NBAS: variants seen among roughly 807,000 people sequenced by gnomAD.
NBAS encodes the protein NAG/BC035112 fusion.
A neutral mutation model predicts 302.5 loss-of-function variants in NBAS; 219 were observed. The ratio of observed to expected loss-of-function variants is 0.72; its 90% CI spans 0.65 to 0.81. NBAS has a LOEUF of 0.81. Among genes scored for constraint, NBAS ranks in the 30% least tolerant of loss-of-function variants. The pLI, the probability that NBAS is intolerant of heterozygous loss-of-function variation, is 0.00. For missense variants in NBAS, 2,932 were observed against 2,841.6 expected (o/e 1.03, Z -0.72); for synonymous variants, 1,118 against 1,021.6 (o/e 1.09, Z -1.80).
At chr2:15,355,379 C>T (rs908503192) in intron 33 of NBAS, among the ~76,000 whole-genome samples, 26 of 152,156 alleles carry the variant, frequency 1.7e-4, no homozygotes, top group African/African-American at 4.6e-4. Flanking sequence ...GTGTTCTTTA[C>T]GTGAGAAATT....
the NBAS span, among the ~76,000 whole-genome samples, chr2:14,987,465 T>A: frequency 3.9e-4 from 52 of 134,756 alleles, no homozygotes; most frequent in Non-Finnish European, 7.8e-4. Context: ...TATTTCTTCT[T>A]ATGACAAATA....
In NBAS at chr2:15,277,079, T is replaced by C; in HGVS notation, c.5161A>G (p.Asn1721Asp). ...AAGAGATGAAGGTCTTGGGCTCTAT[T>C]TTCAATTTCTAGTGTGGACAAACTG... Reference protein sequence around the residue: ...DSGLSTLEIENRAQDLHLFET... With the variant: ...DSGLSTLEIEDRAQDLHLFET... Residue 1721 changes from asparagine to aspartate, a missense_variant, in exon 43 of 52, where the codon AAT (asparagine) becomes GAT (aspartate). By Grantham distance (23) the Asn-to-Asp change is conservative. Coordinates refer to ENST00000281513, the MANE Select transcript of NBAS (RefSeq NM_015909.4). 6.2e-7 allele frequency: 1 copy of C among 1,613,812 alleles called. No individual in the cohort carries two copies. The highest frequency in any genetic ancestry group is 8.5e-7 in the Non-Finnish European group (1 of 1,179,868).
In NBAS at chr2:15,519,734, T is replaced by C. The variant is rs1403261875; in HGVS notation, c.747-8384A>G. On this transcript the variant is annotated intron_variant, in intron 9 of 51. Transcript: ENST00000281513. The stretch of plus-strand genomic sequence containing the variant: ...TGCTGGGATTACAGGCATGAGCCAC[T>C]GTATGCAGCCAAGAATTTGCATTTC... Among the ~76,000 whole-genome samples the C allele has an allele frequency of 4.6e-5, 7 of 152,262 alleles. No homozygotes were observed. In the East Asian group the frequency reaches 1.2e-3, roughly 25 times the overall value.
chr2:15,126,825 C>T, the NBAS span, among the ~76,000 whole-genome samples: 1 of 152,186 alleles, frequency 6.6e-6, no homozygotes, highest in South Asian at 2.1e-4. Flanking sequence ...AAGCACGCTA[C>T]AAACTTGATT....
At chr2:14,782,565 A>T in the NBAS span, among the ~76,000 whole-genome samples, 2 of 152,198 alleles carry the variant, frequency 1.3e-5, no homozygotes, top group African/African-American at 4.8e-5. Flanking sequence ...CCAAAGAGCT[A>T]AAAACAGAAC....
chr2:15,214,415 A>T (rs2147872051), intron 48 of NBAS, among the ~76,000 whole-genome samples: 1 of 152,340 alleles, frequency 6.6e-6, no homozygotes, highest in Non-Finnish European at 1.5e-5. Context: ...CTGTATAGTC[A>T]CTTTAGAAAA....
At chr2:15,144,046 A>ATATATATATATTATCCTATATATATATAT in the NBAS span, among the ~76,000 whole-genome samples, 39 of 104,544 alleles carry the variant, frequency 3.7e-4, 1 homozygote, top group African/African-American at 1.8e-3. Context: ...CCTATATATA[A>ATATATATATATTATCCTATATATATATAT]AAATATATAT....
intron 44 of NBAS, among the ~76,000 whole-genome samples, chr2:15,239,083 A>G (rs1272857322): frequency 1.3e-5 from 2 of 152,190 alleles, no homozygotes; most frequent in Non-Finnish European, 2.9e-5. Flanking sequence ...GACTATTAAT[A>G]TAACCTCAAA....
At chr2:15,483,232 A>T (rs1024997764) in intron 12 of NBAS, 2 of 253,300 alleles carry the variant, frequency 7.9e-6, no homozygotes, top group African/African-American at 2.3e-5. Context: ...GATGAAATAC[A>T]TATTCAGTGC....
intron 34 of NBAS, among the ~76,000 whole-genome samples, chr2:15,353,141 TC>T (rs758668225): frequency 1.3e-5 from 2 of 151,658 alleles, no homozygotes; most frequent in Admixed American, 6.6e-5. Flanking sequence ...AAATTTAGCA[TC>T]CCCCCCAACC....
the NBAS span, among the ~76,000 whole-genome samples, chr2:14,998,748 C>T: frequency 6.6e-6 from 1 of 152,138 alleles, no homozygotes; most frequent in Non-Finnish European, 1.5e-5. Flanking sequence ...CTATGGGAAC[C>T]ATCCTGGAGA....
At chr2:15,080,905 CT>C in the NBAS span, among the ~76,000 whole-genome samples, 5 of 152,216 alleles carry the variant, frequency 3.3e-5, no homozygotes, top group Non-Finnish European at 5.9e-5. Flanking sequence ...TCCAAACATT[CT>C]TCTGTTGGTC....
chr2:15,275,596 G>A lies in NBAS; in HGVS notation c.5612C>T (p.Pro1871Leu), dbSNP rs372931827. The change falls in exon 44 of 52, where the codon CCG becomes CTG. Residue 1871 changes from proline to leucine, a missense_variant. Physicochemically the swap from Pro to Leu is moderately conservative, Grantham distance 98. Transcript: ENST00000281513. ...HLIKQVPGSS[P>L]EWLHAYDVCM... ...GACATCATAGGCATGAAGCCACTCC[G>A]GTGAAGAGCCTGGGACTTGTTTAAT... The A allele has an allele frequency of 2.1e-5, 34 of 1,614,112 alleles. No homozygotes were observed. Among genetic ancestry groups the A allele is most frequent in the Non-Finnish European group, 2.6e-5 (31 of 1,180,006 alleles).
At chr2:15,149,986 C>A in the NBAS span, among the ~76,000 whole-genome samples, 1 of 148,310 alleles carries the variant, frequency 6.7e-6, no homozygotes, top group East Asian at 2.0e-4. Flanking sequence ...AAGGTGGGAG[C>A]ATTGCTTGAT....
intron 9 of NBAS, among the ~76,000 whole-genome samples, chr2:15,513,380 G>A (rs1342490240): frequency 1.3e-5 from 2 of 152,164 alleles, no homozygotes; most frequent in African/African-American, 4.8e-5. Context: ...AGTATTATGA[G>A]TATTACTTGC....
chr2:14,928,572 GA>G, the NBAS span, among the ~76,000 whole-genome samples: 7 of 151,948 alleles, frequency 4.6e-5, no homozygotes. Flanking sequence ...TGATTTTTAT[GA>G]GTGATATTTT....
the NBAS span, among the ~76,000 whole-genome samples, chr2:14,821,868 A>T: frequency 3.3e-3 from 495 of 151,972 alleles, 6 homozygotes; most frequent in African/African-American, 0.011. Context: ...AAACAAAAAA[A>T]AAACAGAAAA....
intron 12 of NBAS, among the ~76,000 whole-genome samples, chr2:15,485,096 T>G (rs1468183214): frequency 1.3e-5 from 2 of 151,992 alleles, no homozygotes; most frequent in Admixed American, 6.6e-5. Context: ...ACTCTAGATA[T>G]CTATTAGAAA....
At chr2:14,984,280 G>C in the NBAS span, among the ~76,000 whole-genome samples, 1 of 152,128 alleles carries the variant, frequency 6.6e-6, no homozygotes, top group Admixed American at 6.5e-5. Flanking sequence ...ATTCAGCTCT[G>C]TTCACTACCT....
Sources: allele counts gnomAD v4.1 joint callset (sites outside exome capture counted in the v4.1 genomes callset), GRCh38; gene constraint gnomAD v4.1.1; transcripts MANE v1.5; gene names NCBI Gene and HGNC (gene_info 2026-07-23, HGNC 2026-07-21).